The following CA10 variants were observed in gnomAD, a reference collection of about 807,000 sequenced individuals.
CA10 encodes the protein carbonic anhydrase 10 (inactive).
Under a neutral mutation model 44.2 loss-of-function variants are expected in CA10, and 14 were observed. The ratio of observed to expected loss-of-function variants is 0.32; its 90% CI spans 0.21 to 0.50. The LOEUF is 0.50. Among genes scored for constraint, CA10 ranks in the 20% least tolerant of loss-of-function variants. The pLI is 0.99. For missense variants in CA10, 350 were observed against 409.7 expected (o/e 0.85, Z 1.26); for synonymous variants, 159 against 141.6 (o/e 1.12, Z -0.87).
intron 1 of CA10, among the ~76,000 whole-genome samples, chr17:52,084,876 G>A (rs1988078172): frequency 6.6e-6 from 1 of 152,162 alleles, no homozygotes. Flanking sequence ...TTAATGAGAT[G>A]TTAGAAAATG....
chr17:51,698,996 C>A (rs1458548078), intron 4 of CA10, among the ~76,000 whole-genome samples: 4 of 152,088 alleles, frequency 2.6e-5, no homozygotes, highest in Admixed American at 6.5e-5. Flanking sequence ...GCAGTGAACA[C>A]GAGAGTGCCA....
chr17:51,978,384 G>GTA (rs1342625061), intron 2 of CA10, among the ~76,000 whole-genome samples: 1 of 134,940 alleles, frequency 7.4e-6, no homozygotes, highest in Non-Finnish European at 1.5e-5. Context: ...GTGTCTGTAT[G>GTA]TGTGTGTGTG....
chr17:51,927,674 A>T lies in CA10; in HGVS notation c.279+3316T>A, dbSNP rs147331401. On this transcript the variant is annotated intron_variant, in intron 3 of 8. Transcript: ENST00000451037. ...TACACTCACTTTGGTCTGAGCAAAA[A>T]GACATGAAAGGTGAACATTTTTGTG... Among the ~76,000 whole-genome samples the T allele has an allele frequency of 5.9e-3, 899 of 152,320 alleles. 8 individuals are homozygous for T. Among genetic ancestry groups the T allele is most frequent in the African/African-American group, 0.02 (849 of 41,590 alleles).
chr17:51,875,878 C>CT (rs944821150), intron 3 of CA10, among the ~76,000 whole-genome samples: 1 of 152,080 alleles, frequency 6.6e-6, no homozygotes, highest in African/African-American at 2.4e-5. Flanking sequence ...ATTCCTATTT[C>CT]TTTTTTCCAG....
chr17:51,958,468 G>A (rs1411053767), intron 2 of CA10, among the ~76,000 whole-genome samples: 1 of 152,030 alleles, frequency 6.6e-6, no homozygotes, highest in Non-Finnish European at 1.5e-5. Flanking sequence ...TGAAATGTTT[G>A]CTTTTATTAA....
chr17:52,096,398 G>C (rs537775711), intron 1 of CA10, among the ~76,000 whole-genome samples: 3 of 152,040 alleles, frequency 2.0e-5, no homozygotes, highest in Non-Finnish European at 4.4e-5. Flanking sequence ...TTGAACCACT[G>C]GTCTATCTTG....
intron 3 of CA10, among the ~76,000 whole-genome samples, chr17:51,780,501 G>A (rs569748123): frequency 1.3e-5 from 2 of 152,316 alleles, no homozygotes; most frequent in South Asian, 4.1e-4. Flanking sequence ...AGGGAAATCA[G>A]CAAGGACTTC....
chr17:51,739,406 C>T (rs1172330164), intron 4 of CA10, among the ~76,000 whole-genome samples: 1 of 152,028 alleles, frequency 6.6e-6, no homozygotes, highest in Non-Finnish European at 1.5e-5. Context: ...CCAGTTAATG[C>T]CTGTCTTTAA....
At chr17:51,823,402 G>C (rs191815101) in intron 3 of CA10, among the ~76,000 whole-genome samples, 1 of 152,312 alleles carries the variant, frequency 6.6e-6, no homozygotes, top group African/African-American at 2.4e-5. Flanking sequence ...ACTCGTGGTT[G>C]GACGCTGCTT....
chr17:52,152,225 G>C (rs536587925), intron 1 of CA10, among the ~76,000 whole-genome samples: 5 of 152,166 alleles, frequency 3.3e-5, no homozygotes, highest in Non-Finnish European at 7.4e-5. Context: ...AGAAATGTTA[G>C]AATTTCAAAC....
intron 1 of CA10, among the ~76,000 whole-genome samples, chr17:52,090,957 CTT>C (rs1988243021): frequency 6.6e-6 from 1 of 152,116 alleles, no homozygotes; most frequent in African/African-American, 2.4e-5. Flanking sequence ...ACTACACACT[CTT>C]TTTAGTAAAC....
At chr17:51,806,194 T>C (rs569693041) in intron 3 of CA10, among the ~76,000 whole-genome samples, 1 of 152,310 alleles carries the variant, frequency 6.6e-6, no homozygotes, top group South Asian at 2.1e-4. Context: ...AATCCTCATT[T>C]AAAGAATTGA....
intron 4 of CA10, among the ~76,000 whole-genome samples, chr17:51,688,653 G>A (rs1188425161): frequency 6.6e-6 from 1 of 152,270 alleles, no homozygotes; most frequent in Middle Eastern, 3.4e-3. Flanking sequence ...ATGATTTGCA[G>A]TACCATCTTC....
At chr17:51,716,807 A>C (rs1916128038) in intron 4 of CA10, among the ~76,000 whole-genome samples, 1 of 152,226 alleles carries the variant, frequency 6.6e-6, no homozygotes, top group African/African-American at 2.4e-5. Flanking sequence ...CCTATTACTG[A>C]ACAATGATAG....
At chr17:51,756,141 C>A (rs989134398) in intron 3 of CA10, among the ~76,000 whole-genome samples, 3 of 151,736 alleles carry the variant, frequency 2.0e-5, no homozygotes, top group Non-Finnish European at 4.4e-5. Flanking sequence ...AAATACATAA[C>A]TATAAACACG....
intron 4 of CA10, among the ~76,000 whole-genome samples, chr17:51,657,531 G>A (rs922118542): frequency 3.3e-5 from 5 of 152,218 alleles, no homozygotes; most frequent in Non-Finnish European, 5.9e-5. Context: ...TGGGCTTGGG[G>A]AGCAGCAATG....
At chr17:51,884,122 A>G (rs1429907225) in intron 3 of CA10, among the ~76,000 whole-genome samples, 2 of 152,150 alleles carry the variant, frequency 1.3e-5, no homozygotes, top group South Asian at 4.1e-4. Flanking sequence ...CAGATTCTGA[A>G]TACTTCTCAC....
chr17:52,125,094 T>G (rs528178064), intron 1 of CA10, among the ~76,000 whole-genome samples: 1 of 152,330 alleles, frequency 6.6e-6, no homozygotes, highest in Non-Finnish European at 1.5e-5. Flanking sequence ...TCATCACTTT[T>G]GCTAGGAAAA....
intron 3 of CA10, chr17:51,763,082 T>C (rs1462652657): frequency 6.6e-6 from 1 of 152,214 alleles, no homozygotes; most frequent in Non-Finnish European, 1.5e-5. Context: ...CCCAATGTCA[T>C]GATTATCAAG....
Sources: gnomAD v4.1 joint callset for allele counts (sites outside exome capture counted in the v4.1 genomes callset) on GRCh38, gnomAD v4.1.1 for gene constraint, MANE v1.5 for transcripts, NCBI Gene and HGNC (gene_info 2026-07-23, HGNC 2026-07-21) for gene names.